Variants in IPO7 observed in about 807,000 individuals in gnomAD.
IPO7 encodes importin 7.
A neutral mutation model predicts 136.4 loss-of-function variants in IPO7; 13 were observed. That is an observed-to-expected ratio of 0.10 (90% CI 0.06 to 0.15). The LOEUF (loss-of-function observed/expected upper bound fraction) is 0.15, where lower values mean the gene tolerates loss of function less well. Among genes scored for constraint, IPO7 ranks in the 10% least tolerant of loss-of-function variants. The pLI, the probability that IPO7 is intolerant of heterozygous loss-of-function variation, is 1.00. For missense variants in IPO7, 857 were observed against 1,240.6 expected (o/e 0.69, Z 4.65); for synonymous variants, 403 against 404.4 (o/e 1.00, Z 0.04).
At chr11:9,428,696 A>C in intron 13 of IPO7, 67 bp downstream of exon 13, 4 of 893,236 alleles carry the variant, frequency 4.5e-6, no homozygotes, top group Non-Finnish European at 7.6e-6. Flanking sequence ...GGACTTTTAT[A>C]TTGAAACTTT....
rs1370673296 is a variant in IPO7 at position 9,436,842 on chromosome 11, TTA to T, written c.2268+502_2268+503del. Among the ~76,000 whole-genome samples the T allele has an allele frequency of 3.6e-3, 88 of 24,460 alleles. 3 individuals are homozygous for T. The highest frequency in any genetic ancestry group is 9.9e-3 in the African/African-American group (53 of 5,344). 16.0% of individuals were successfully genotyped at this position (24,460 alleles called of 152,430 possible). A position where few individuals can be genotyped will look rare whatever the true frequency, so the allele number is the denominator to read the frequency against. ...TATACACCACCACAACCGCCTGATT[TTA>T]TATATATATATATATATATATATAT... is the stretch of plus-strand genomic sequence containing the variant. On this transcript the variant is annotated intron_variant, in intron 20 of 24. Transcript: ENST00000379719.
At chr11:9,432,284 C>T (rs1481509326) in intron 16 of IPO7, among the ~76,000 whole-genome samples, 1 of 151,876 alleles carries the variant, frequency 6.6e-6, no homozygotes, top group Non-Finnish European at 1.5e-5. Flanking sequence ...TCACCGCAAC[C>T]TCTGCCTCCC....
intron 2 of IPO7, among the ~76,000 whole-genome samples, chr11:9,404,788 G>T (rs528920480): frequency 6.6e-6 from 1 of 151,922 alleles, no homozygotes; most frequent in African/African-American, 2.4e-5. Context: ...GGATGGTCTC[G>T]ATTTGCTGAC....
intron 1 of IPO7, among the ~76,000 whole-genome samples, chr11:9,399,453 G>A (rs1004248227): frequency 1.3e-5 from 2 of 152,092 alleles, no homozygotes; most frequent in East Asian, 1.9e-4. Flanking sequence ...GAGCCACCGC[G>A]CCCGGCAGCA....
chr11:9,446,321 G>A lies in IPO7; in HGVS notation c.*1127G>A, dbSNP rs1343457895. ...CCTGTGCCTAGAAGGAGTACAAAAT[G>A]CACACTTTACAAAATTGATATTTAA... On this transcript the variant is annotated 3_prime_UTR_variant, in exon 25 of 25. Transcript: ENST00000379719. 1.3e-5 allele frequency: 2 copies of A among 152,086 alleles called. No homozygotes were observed. The highest frequency in any genetic ancestry group is 2.9e-5 in the Non-Finnish European group (2 of 68,038). 9.4% of individuals were successfully genotyped at this position (152,086 alleles called of 1,614,324 possible).
At chr11:9,429,615 T>C (rs1855264351) in intron 14 of IPO7, 59 bp from the exon 15 acceptor site, 7 of 1,346,874 alleles carry the variant, frequency 5.2e-6, no homozygotes, top group Non-Finnish European at 6.2e-6. Context: ...ATATTTGTTA[T>C]ATCAGGTTTT....
chr11:9,397,891 C>T (rs745779986), intron 1 of IPO7, among the ~76,000 whole-genome samples: 51 of 152,160 alleles, frequency 3.4e-4, no homozygotes, highest in South Asian at 2.1e-4. Flanking sequence ...TTTTATTATT[C>T]CTATTTTGTA....
rs1855544675 is a variant in IPO7 at position 9,447,469 on chromosome 11, CATT to C, written c.*2278_*2280del. 1.3e-5 allele frequency: 2 copies of C among 152,244 alleles called. No individual in the cohort carries two copies. Among genetic ancestry groups the C allele is most frequent in the Admixed American group, 6.5e-5 (1 of 15,292 alleles). The allele number at this position is 152,244 out of a possible 1,614,324, so 9.4% of individuals were successfully genotyped here. ...CCTCAGTTTTCATGATTTCCTTTAA[CATT>C]ATAATTTGGTATAGATCAAGAATCT... On this transcript the variant is annotated 3_prime_UTR_variant, in exon 25 of 25. Coordinates refer to ENST00000379719, the MANE Select transcript of IPO7 (RefSeq NM_006391.3).
At chr11:9,443,857 G>A (rs1393954253) in intron 24 of IPO7, among the ~76,000 whole-genome samples, 3 of 151,880 alleles carry the variant, frequency 2.0e-5, no homozygotes, top group Admixed American at 6.6e-5. Flanking sequence ...CCATTATTGT[G>A]CCACTGTACT....
Position 9,408,514 on chromosome 11 carries a change from A to C in IPO7, c.195A>C (p.Thr65=). The change falls in exon 3 of 25, where the codon ACA becomes ACC. Residue 65 remains threonine (T), a synonymous_variant. Transcript: ENST00000379719. ...AGVIYLKNMI[T]QYWPDRETAP... is the part of the protein sequence containing the mutation. The stretch of plus-strand genomic sequence containing the variant: ...TTATCTATCTGAAAAATATGATAAC[A>C]CAGTATTGGCCTGATCGAGAAACAG... 6.3e-7 allele frequency: 1 copy of C among 1,576,710 alleles called. No individual in the cohort carries two copies. Among genetic ancestry groups the C allele is most frequent in the Non-Finnish European group, 8.6e-7 (1 of 1,165,706 alleles).
intron 1 of IPO7, among the ~76,000 whole-genome samples, chr11:9,387,699 C>T (rs1019281669): frequency 2.0e-5 from 3 of 151,594 alleles, no homozygotes; most frequent in South Asian, 2.1e-4. Flanking sequence ...GGCGCGGTGG[C>T]GCATGCTTGT....
At chr11:9,409,619 C>G (rs956439995) in intron 3 of IPO7, among the ~76,000 whole-genome samples, 8 of 152,156 alleles carry the variant, frequency 5.3e-5, no homozygotes, top group Non-Finnish European at 1.2e-4. Context: ...ACCTTGTGAT[C>G]TTCCCGCCTG....
intron 3 of IPO7, among the ~76,000 whole-genome samples, chr11:9,409,231 C>A (rs1854934658): frequency 6.6e-6 from 1 of 151,924 alleles, no homozygotes; most frequent in Non-Finnish European, 1.5e-5. Flanking sequence ...GCCTCAGTCT[C>A]CCGAGTAGCT....
At chr11:9,397,333 T>TAAAAAAAA (rs1238499611) in intron 1 of IPO7, among the ~76,000 whole-genome samples, 5 of 52,904 alleles carry the variant, frequency 9.5e-5, no homozygotes, top group African/African-American at 3.2e-4. Flanking sequence ...AAAAATAATT[T>TAAAAAAAA]AAAAAAAAAT....
intron 12 of IPO7, among the ~76,000 whole-genome samples, chr11:9,426,566 A>T (rs965406519): frequency 6.6e-6 from 1 of 151,996 alleles, no homozygotes; most frequent in Admixed American, 6.6e-5. Context: ...CGCAGAACCC[A>T]TTTTCCAACG....
At chr11:9,445,012 C>G (rs1006919346) in intron 24 of IPO7, 85 bp from the exon 25 acceptor site, 1 of 838,246 alleles carries the variant, frequency 1.2e-6, no homozygotes, top group African/African-American at 1.7e-5. Context: ...GATGGTTAAG[C>G]TACTGGCTTG....
intron 3 of IPO7, among the ~76,000 whole-genome samples, chr11:9,409,663 C>T (rs1259187562): frequency 6.6e-6 from 1 of 152,158 alleles, no homozygotes; most frequent in Non-Finnish European, 1.5e-5. Context: ...CAGGTGTGAG[C>T]CACCGCACCC....
chr11:9,395,542 A>C (rs59002765), intron 1 of IPO7, among the ~76,000 whole-genome samples: 1,673 of 152,130 alleles, frequency 0.011, 46 homozygotes, highest in East Asian at 0.098. Flanking sequence ...CCCGGCCCTC[A>C]CTTGTTACCT....
At chr11:9,425,656 A>G (rs185127796) in intron 12 of IPO7, among the ~76,000 whole-genome samples, 1 of 152,164 alleles carries the variant, frequency 6.6e-6, no homozygotes, top group Admixed American at 6.5e-5. Context: ...TGGGTGGATC[A>G]TGAGGTCAGG....
Sources: allele counts gnomAD v4.1 joint callset (sites outside exome capture counted in the v4.1 genomes callset), GRCh38; gene constraint gnomAD v4.1.1; transcripts MANE v1.5; gene names NCBI Gene and HGNC (gene_info 2026-07-23, HGNC 2026-07-21).